The following AZIN2 variants were observed in gnomAD, a reference collection of about 807,000 sequenced individuals.
The protein encoded by AZIN2 is ODC antizyme inhibitor-2.
AZIN2 carries 28 observed loss-of-function variants against 47.8 expected under a neutral mutation model. The ratio of observed to expected loss-of-function variants is 0.59; its 90% CI spans 0.43 to 0.80. The LOEUF (loss-of-function observed/expected upper bound fraction) is 0.80, where lower values mean the gene tolerates loss of function less well. AZIN2 is among the 30% of genes least tolerant of loss of function. The pLI is 0.00. For synonymous variants in AZIN2, 221 were observed against 239.4 expected, an observed-to-expected ratio of 0.92 and a Z score of 0.71; for missense variants, 535 against 582.5, an observed-to-expected ratio of 0.92 and a Z score of 0.84.
chr1:33,106,685 A>G (rs1036600281), intron 10 of AZIN2, among the ~76,000 whole-genome samples: 1 of 152,238 alleles, frequency 6.6e-6, no homozygotes, highest in South Asian at 2.1e-4. Flanking sequence ...ATCTCAGTAG[A>G]TGGAGAACAA....
chr1:33,097,460 T>C (rs1643277979), intron 9 of AZIN2, among the ~76,000 whole-genome samples: 1 of 152,162 alleles, frequency 6.6e-6, no homozygotes, highest in Non-Finnish European at 1.5e-5. Flanking sequence ...TTCCCTCCCC[T>C]TCCAGATAGG....
At chr1:33,131,284 C>T in the AZIN2 span, among the ~76,000 whole-genome samples, 2 of 152,236 alleles carry the variant, frequency 1.3e-5, no homozygotes, top group African/African-American at 4.8e-5. Context: ...GTGCTAGGCA[C>T]TGGGGACAAA....
At chr1:33,085,677 G>C (rs755550781) in intron 5 of AZIN2, among the ~76,000 whole-genome samples, 4 of 152,176 alleles carry the variant, frequency 2.6e-5, no homozygotes, top group Non-Finnish European at 4.4e-5. Context: ...TGGTCAGAAT[G>C]AGCAGGTTAA....
chr1:33,082,140 C>G (rs985295148), intron 3 of AZIN2, 38 bp from the exon 4 acceptor site: 10 of 890,052 alleles, frequency 1.1e-5, no homozygotes, highest in African/African-American at 1.7e-5. Flanking sequence ...GCAGAGCCGG[C>G]CCCCCAGCGG....
chr1:33,129,893 T>C, the AZIN2 span, among the ~76,000 whole-genome samples: 1 of 152,120 alleles, frequency 6.6e-6, no homozygotes, highest in African/African-American at 2.4e-5. The surrounding 1 kb of genome is among the most constrained non-coding windows in gnomAD (Gnocchi z 4.1). Flanking sequence ...GAGTTTTGCT[T>C]TTGTTGGTCA....
At chr1:33,115,867 A>G (rs183387711) in intron 10 of AZIN2, among the ~76,000 whole-genome samples, 1 of 152,322 alleles carries the variant, frequency 6.6e-6, no homozygotes, top group Non-Finnish European at 1.5e-5. Context: ...TCTCTTTACC[A>G]TGGAAGAATC....
At chr1:33,116,486 G>A (rs1242315168) in intron 10 of AZIN2, among the ~76,000 whole-genome samples, 1 of 151,672 alleles carries the variant, frequency 6.6e-6, no homozygotes, top group African/African-American at 2.4e-5. Flanking sequence ...TCTCCCCTTT[G>A]TCATTCTTTC....
the AZIN2 span, among the ~76,000 whole-genome samples, chr1:33,139,606 A>C: frequency 6.6e-6 from 1 of 152,354 alleles, no homozygotes; most frequent in Non-Finnish European, 1.5e-5. Context: ...AAGGCCAAAA[A>C]TATGCTTATC....
chr1:33,140,481 G>T, the AZIN2 span, among the ~76,000 whole-genome samples: 1 of 152,224 alleles, frequency 6.6e-6, no homozygotes, highest in South Asian at 2.1e-4. This position sits in a 1 kb window ranked among gnomAD's most constrained non-coding sequence, Gnocchi z 4.0. Context: ...GTGGTAAGCA[G>T]AGGAAGCAGG....
At chr1:33,157,534 TTTAC>T in the AZIN2 span, among the ~76,000 whole-genome samples, 1 of 152,126 alleles carries the variant, frequency 6.6e-6, no homozygotes. Flanking sequence ...ATTTTTCTGA[TTTAC>T]TTTTGTCTAC....
intron 5 of AZIN2, among the ~76,000 whole-genome samples, chr1:33,086,268 A>T (rs1641885067): frequency 6.6e-6 from 1 of 152,138 alleles, no homozygotes; most frequent in Non-Finnish European, 1.5e-5. Flanking sequence ...GACACATTTA[A>T]CGTATAAGGA....
At chr1:33,127,577 A>G (rs994214334), downstream of AZIN2, among the ~76,000 whole-genome samples, 1 of 152,190 alleles carries the variant, frequency 6.6e-6, no homozygotes, top group Non-Finnish European at 1.5e-5. Context: ...CTCAGCTGGA[A>G]AAAGGCCCAG....
At chr1:33,117,560 T>C (rs1644606574) in intron 10 of AZIN2, among the ~76,000 whole-genome samples, 2 of 152,256 alleles carry the variant, frequency 1.3e-5, no homozygotes, top group South Asian at 2.1e-4. Flanking sequence ...ATGCTCTCCA[T>C]ACACTAACTC....
In AZIN2 at chr1:33,120,857, G is replaced by C. The variant is rs1644779374; in HGVS notation, c.*675G>C. Among the ~76,000 whole-genome samples the C allele has an allele frequency of 6.6e-6, 1 of 152,236 alleles. No homozygotes were observed. On this transcript the variant is annotated 3_prime_UTR_variant, in exon 12 of 12. Transcript: ENST00000294517. ...GGGCAATGGAGTATTTAACACAGCT[G>C]TGGAAATTCATACTGAAGATACAGA... is the stretch of plus-strand genomic sequence containing the variant.
chr1:33,117,910 C>T lies in AZIN2; in HGVS notation c.1038C>T (p.Ser346=), dbSNP rs765048462. The part of the protein sequence containing the change: ...CPTPILQKKP[S]TEQPLYSSSL... Reference sequence around the variant, plus strand: ...ATCCCTTCTTCCTACAGAAACCATCCACGGAGCAGCCCCTGTACAGCAGCA... The same window carrying T: ...ATCCCTTCTTCCTACAGAAACCATCTACGGAGCAGCCCCTGTACAGCAGCA... The change falls in exon 11 of 12, where the codon TCC becomes TCT. Residue 346 remains serine, a synonymous_variant. Transcript: ENST00000294517. 6.2e-7 allele frequency: 1 copy of T among 1,614,186 alleles called. No homozygotes were observed. The highest frequency in any genetic ancestry group is 1.1e-5 in the South Asian group (1 of 91,078).
chr1:33,105,444 G>C (rs1373275281), intron 10 of AZIN2, among the ~76,000 whole-genome samples: 3 of 152,142 alleles, frequency 2.0e-5, no homozygotes, highest in Non-Finnish European at 2.9e-5. Flanking sequence ...ATTTAAAAAG[G>C]AAAGAGGTTT....
the AZIN2 span, chr1:33,145,920 C>T: frequency 1.7e-5 from 8 of 471,082 alleles, no homozygotes; most frequent in East Asian, 4.9e-4. Flanking sequence ...ACTTAAGTTC[C>T]CCCAAACAGA....
At chr1:33,152,569 AAAAG>A in the AZIN2 span, among the ~76,000 whole-genome samples, 2 of 146,964 alleles carry the variant, frequency 1.4e-5, no homozygotes, top group African/African-American at 4.9e-5. Flanking sequence ...CTCCGTCTCA[AAAAG>A]AAAAAAAAAA....
the AZIN2 span, among the ~76,000 whole-genome samples, chr1:33,151,310 AC>A: frequency 6.6e-6 from 1 of 151,906 alleles, no homozygotes; most frequent in Non-Finnish European, 1.5e-5. Context: ...AGGGCCTGCC[AC>A]TCTCTTAGGC....
Sources: gnomAD v4.1 joint callset for allele counts (sites outside exome capture counted in the v4.1 genomes callset) on GRCh38, gnomAD v4.1.1 for gene constraint, Gnocchi (gnomAD v3.1) non-coding constraint, MANE v1.5 for transcripts, NCBI Gene and HGNC (gene_info 2026-07-23, HGNC 2026-07-21) for gene names.